The following AHRR variants were observed in gnomAD, a reference collection of about 807,000 sequenced individuals.
AHRR encodes aryl hydrocarbon receptor repressor.
In AHRR, 28 loss-of-function variants were observed where a neutral mutation model predicts 44.0. The ratio of observed to expected loss-of-function variants is 0.64; its 90% CI spans 0.47 to 0.87. The LOEUF (loss-of-function observed/expected upper bound fraction) is 0.87. Ranked by LOEUF, AHRR falls within the 40% of genes least tolerant of loss-of-function variation. AHRR has a pLI of 0.00. For missense variants in AHRR, 990 were observed against 953.9 expected, an observed-to-expected ratio of 1.04 and a Z score of -0.50; for synonymous variants, 434 against 407.0, an observed-to-expected ratio of 1.07 and a Z score of -0.80.
At position 434,873 on chromosome 5, in the gene AHRR, C is replaced by A. The variant is rs775317208; in HGVS notation, c.*39C>A. 1 of 1,505,764 alleles carries A rather than the reference C, an allele frequency of 6.6e-7. No individual in the cohort carries two copies. Among genetic ancestry groups the A allele is most frequent in the Admixed American group, 2.0e-5 (1 of 49,196 alleles). The allele number at this position is 1,505,764 out of a possible 1,614,324, so 93.3% of individuals were successfully genotyped here. A position where few individuals can be genotyped will look rare whatever the true frequency, so the allele number is the denominator to read the frequency against. ...ATCCAAGCTCAGATCTGTGTGTCTACGCTCAGATGCGTCGGTGGCTGGGCT... is the reference window on the plus strand; with the variant it reads ...ATCCAAGCTCAGATCTGTGTGTCTAAGCTCAGATGCGTCGGTGGCTGGGCT... On this transcript the variant is annotated 3_prime_UTR_variant, in exon 11 of 11. Transcript: ENST00000684583.
chr5:353,063 T>G (rs984464534), intron 2 of AHRR, among the ~76,000 whole-genome samples: 9 of 152,094 alleles, frequency 5.9e-5, no homozygotes, highest in South Asian at 2.1e-4. Context: ...GCCCCACAGG[T>G]GGCCCCTTTT....
In AHRR at chr5:387,448, G is replaced by T. The variant is rs1358905055; in HGVS notation, c.351+10732G>T. ...CTTCTTGTACAGCAGGGACCCCATT[G>T]TGGGGGTCCTCCATCCACAGGGACG... On this transcript the variant is annotated intron_variant, in intron 4 of 10. Transcript: ENST00000684583. This position sits in a 1 kb window ranked among gnomAD's most constrained non-coding sequence, Gnocchi z 5.1. Among the ~76,000 whole-genome samples the T allele has an allele frequency of 2.0e-5, 3 of 152,234 alleles. No homozygotes were observed. Among genetic ancestry groups the T allele is most frequent in the Non-Finnish European group, 4.4e-5 (3 of 68,036 alleles).
At position 335,680 on chromosome 5, in the gene AHRR, G is replaced by C. The variant is rs563764308; in HGVS notation, c.-10-8213G>C. Among the ~76,000 whole-genome samples, 4 of 152,354 alleles carry C rather than the reference G, an allele frequency of 2.6e-5. No individual in the cohort carries two copies. In the South Asian group the frequency reaches 8.3e-4, roughly 32 times the overall value. The stretch of plus-strand genomic sequence containing the variant: ...AGGGTGGGGCCAGTCCTAGCAGCCA[G>C]AGCCTTGGCCATGGATGGAAGACCT... On this transcript the variant is annotated intron_variant, in intron 1 of 10. Coordinates refer to ENST00000684583, the MANE Select transcript of AHRR (RefSeq NM_001377236.1).
intron 2 of AHRR, among the ~76,000 whole-genome samples, chr5:344,261 A>AGAGGCG (rs1407993064): frequency 2.0e-5 from 3 of 150,702 alleles, no homozygotes; most frequent in Non-Finnish European, 4.4e-5. Context: ...TCCGGGCGGC[A>AGAGGCG]GAGGCGGAGG....
At chr5:394,953 T>C (rs900403956) in intron 4 of AHRR, among the ~76,000 whole-genome samples, 4 of 152,186 alleles carry the variant, frequency 2.6e-5, no homozygotes, top group African/African-American at 7.2e-5. Flanking sequence ...GTCAAGCTCT[T>C]GCGTCTCCGG....
Position 353,839 on chromosome 5 carries a change from A to G in AHRR, c.172A>G (p.Ile58Val), listed in dbSNP as rs912405789. The G allele has an allele frequency of 5.0e-6, 8 of 1,613,970 alleles. No individual in the cohort carries two copies. Among genetic ancestry groups the G allele is most frequent in the Admixed American group, 1.7e-5 (1 of 60,008 alleles). Residue 58 changes from isoleucine to valine, a missense_variant, in exon 3 of 11, where the codon ATC becomes GTC. Transcript: ENST00000684583. ...CCTGCTGCCGTTCCCGCCTGACATC[A>G]TCTCCAAGCTGGACAAGCTTTCTGT... is the stretch of plus-strand genomic sequence containing the variant. ...ASLLPFPPDIISKLDKLSVLR... is the reference protein window; with the variant it reads ...ASLLPFPPDIVSKLDKLSVLR...
Position 434,940 on chromosome 5 carries a change from G to C in AHRR, c.*106G>C. On this transcript the variant is annotated 3_prime_UTR_variant, in exon 11 of 11. Transcript: ENST00000684583. The stretch of plus-strand genomic sequence containing the variant: ...GGCCGGAGCCCGTCCTAAGACACAC[G>C]CTTTGCAGAGCTGTGCATGCGCAGT... 1 of 1,410,994 alleles carries C rather than the reference G, an allele frequency of 7.1e-7. No individual in the cohort carries two copies. Among genetic ancestry groups the C allele is most frequent in the Non-Finnish European group, 9.4e-7 (1 of 1,062,632 alleles). The allele number at this position is 1,410,994 out of a possible 1,614,324, so 87.4% of individuals were successfully genotyped here. A position where few individuals can be genotyped will look rare whatever the true frequency, so the allele number is the denominator to read the frequency against.
At chr5:430,400 C>T (rs1344568993) in intron 8 of AHRR, among the ~76,000 whole-genome samples, 3 of 152,248 alleles carry the variant, frequency 2.0e-5, no homozygotes, top group South Asian at 2.1e-4. Flanking sequence ...GGGAGGACCC[C>T]GTCACACGCC....
Position 370,340 on chromosome 5 carries a change from T to C in AHRR, c.245-6270T>C, listed in dbSNP as rs535755669. 6.6e-6 allele frequency among the ~76,000 whole-genome samples: 1 copy of C among 152,268 alleles called. No homozygotes were observed. Among genetic ancestry groups the C allele is most frequent in the African/African-American group, 2.4e-5 (1 of 41,560 alleles). ...AGCATTTCCTGGATCCACAGTCAGGTCAGGCAATTCTGGGGCGAGCAGGCG... is the reference window on the plus strand; with the variant it reads ...AGCATTTCCTGGATCCACAGTCAGGCCAGGCAATTCTGGGGCGAGCAGGCG... On this transcript the variant is annotated intron_variant, in intron 3 of 10. Coordinates refer to ENST00000684583, the MANE Select transcript of AHRR (RefSeq NM_001377236.1). The surrounding 1 kb of genome is among the most constrained non-coding windows in gnomAD (Gnocchi z 4.5).
chr5:343,509 AGGCTGCAGGCTGCCCAGGCCTT>A, intron 1 of AHRR: 2 of 180,198 alleles, frequency 1.1e-5, no homozygotes, highest in South Asian at 1.6e-4. Context: ...GAGTGTTTGG[AGGCTGCAGGCTGCCCAGGCCTT>A]GGCTGCGCCC....
rs761363306 is a variant in AHRR at position 427,962 on chromosome 5, G to A, written c.864G>A (p.Leu288=). The change falls in exon 8 of 11, where the codon CTG becomes CTA. Residue 288 remains leucine, a synonymous_variant. Coordinates refer to ENST00000684583, the MANE Select transcript of AHRR (RefSeq NM_001377236.1). ...AAEMKMRSAL[L]RAKPRADTAA... ...AGATGAAAATGAGGAGCGCGCTCCT[G>A]AGGGCAAAACCCAGAGCAGACACCG... The A allele has an allele frequency of 1.3e-5, 21 of 1,613,912 alleles. No homozygotes were observed. Among genetic ancestry groups the A allele is most frequent in the Non-Finnish European group, 1.8e-5 (21 of 1,180,042 alleles).
Position 423,131 on chromosome 5 carries a change from C to A in AHRR, c.571+273C>A, listed in dbSNP as rs537942324. ...CTTGAGGTCACCGCCATTCTTGTCA[C>A]CTCACCACGAGCTGCAGTCCTGGCC... is the stretch of plus-strand genomic sequence containing the variant. On this transcript the variant is annotated intron_variant, in intron 6 of 10. Coordinates refer to ENST00000684583, the MANE Select transcript of AHRR (RefSeq NM_001377236.1). 3.9e-5 allele frequency among the ~76,000 whole-genome samples: 6 copies of A among 152,296 alleles called. No individual in the cohort carries two copies. The East Asian group carries it at 5.8e-4, about 15-fold the overall frequency.
chr5:423,019 T>A (rs1396856495), intron 6 of AHRR, among the ~76,000 whole-genome samples, 161 bp downstream of exon 6: 1 of 152,124 alleles, frequency 6.6e-6, no homozygotes, highest in Non-Finnish European at 1.5e-5. Context: ...TCCTCCCATG[T>A]CCCTCCCTGT....
chr5:324,833 CA>C (rs1245871626), intron 1 of AHRR, among the ~76,000 whole-genome samples: 28 of 152,242 alleles, frequency 1.8e-4, no homozygotes, highest in African/African-American at 4.6e-4. Flanking sequence ...ACTGGTTATT[CA>C]GGGGGCACTG....
chr5:362,303 G>A (rs1271233849), intron 3 of AHRR, among the ~76,000 whole-genome samples: 1 of 152,208 alleles, frequency 6.6e-6, no homozygotes, highest in Non-Finnish European at 1.5e-5. Flanking sequence ...TTCCAGAACT[G>A]CAAGAAAATA....
rs1438553863 is a variant in AHRR, at chr5:436,751, C to T, written c.*1917C>T. The T allele has an allele frequency of 6.6e-6, 1 of 152,478 alleles. No individual in the cohort carries two copies. Among genetic ancestry groups the T allele is most frequent in the South Asian group, 2.1e-4 (1 of 4,828 alleles). The allele number at this position is 152,478 out of a possible 1,614,324, so 9.4% of individuals were successfully genotyped here. ...CTCTCCCTTATCTGATGCCTAAAGT[C>T]ACGATGGGGACAGAGCTACCCAGGG... On this transcript the variant is annotated 3_prime_UTR_variant, in exon 11 of 11. Coordinates refer to ENST00000684583, the MANE Select transcript of AHRR (RefSeq NM_001377236.1).
At chr5:374,282 TC>T (rs1420072906) in intron 3 of AHRR, among the ~76,000 whole-genome samples, 3 of 152,116 alleles carry the variant, frequency 2.0e-5, no homozygotes, top group African/African-American at 4.8e-5. Context: ...CTCCTCGGGC[TC>T]GGGGTCAGCT....
At chr5:361,105 C>T (rs1743162612) in intron 3 of AHRR, among the ~76,000 whole-genome samples, 1 of 152,140 alleles carries the variant, frequency 6.6e-6, no homozygotes, top group African/African-American at 2.4e-5. Flanking sequence ...AAAAATTAGC[C>T]AGGCATGGTG....
intron 3 of AHRR, 58 bp from the exon 4 acceptor site, chr5:376,552 A>ATGAGAACCGTGGGGTGAACGCGGGG: frequency 7.2e-7 from 1 of 1,397,072 alleles, no homozygotes; most frequent in African/African-American, 1.4e-5. Flanking sequence ...ATGTGAATGA[A>ATGAGAACCGTGGGGTGAACGCGGGG]GAAGAGTGGC....
Sources: gnomAD v4.1 joint callset for allele counts (sites outside exome capture counted in the v4.1 genomes callset) on GRCh38, gnomAD v4.1.1 for gene constraint, Gnocchi (gnomAD v3.1) non-coding constraint, MANE v1.5 for transcripts, NCBI Gene and HGNC (gene_info 2026-07-23, HGNC 2026-07-21) for gene names.